The following PLXNC1 variants were observed in gnomAD, a reference collection of about 807,000 sequenced individuals.
The protein encoded by PLXNC1 is plexin C1.
PLXNC1 carries 75 observed loss-of-function variants against 178.2 expected under a neutral mutation model. The ratio of observed to expected loss-of-function variants is 0.42; its 90% CI spans 0.35 to 0.51. PLXNC1 has a LOEUF of 0.51. PLXNC1 is among the 20% of genes least tolerant of loss of function. PLXNC1 has a pLI of 0.02. For synonymous variants in PLXNC1, 790 were observed against 779.9 expected, an observed-to-expected ratio of 1.01 and a Z score of -0.22; for missense variants, 1,503 against 1,984.4, an observed-to-expected ratio of 0.76 and a Z score of 4.61.
At chr12:94,168,788 G>A (rs1961727774) in intron 1 of PLXNC1, among the ~76,000 whole-genome samples, 1 of 152,198 alleles carries the variant, frequency 6.6e-6, no homozygotes, top group Non-Finnish European at 1.5e-5. Flanking sequence ...TTGGCGGCAG[G>A]ATTTTGAAAA....
chr12:94,255,735 G>A (rs1964819800), intron 17 of PLXNC1, among the ~76,000 whole-genome samples: 1 of 152,168 alleles, frequency 6.6e-6, no homozygotes, highest in Admixed American at 6.5e-5. Flanking sequence ...AATACTACTG[G>A]TCAAAAGGGA....
chr12:94,251,482 G>A lies in PLXNC1; in HGVS notation c.2835G>A (p.Trp945Ter). 1 of 1,613,484 alleles carries A rather than the reference G, an allele frequency of 6.2e-7. No homozygotes were observed. The highest frequency in any genetic ancestry group is 8.5e-7 in the Non-Finnish European group (1 of 1,179,402). The change falls in exon 15 of 31, where the codon TGG (tryptophan) becomes TGA (stop). Residue 945 changes from tryptophan (W) to a stop codon, truncating the protein, a stop_gained. Transcript: ENST00000258526. LOFTEE classifies it high-confidence loss of function. ...YVEQESVPSTWYFLIVLPVLL... is the reference protein window; with the variant it reads ...YVEQESVPST The stretch of plus-strand genomic sequence containing the variant: ...AGCAGGAGTCAGTTCCTTCCACATG[G>A]TATTTTCTGATTGTGCTCCCTGTCT...
At chr12:94,305,071 T>A in intron 30 of PLXNC1, 110 bp from the exon 31 acceptor site, 1 of 652,000 alleles carries the variant, frequency 1.5e-6, no homozygotes, top group Non-Finnish European at 2.7e-6. Flanking sequence ...GAAGAAAATG[T>A]TGGCATCTGT....
Position 94,297,206 on chromosome 12 carries a change from G to T in PLXNC1, c.3952G>T (p.Asp1318Tyr), listed in dbSNP as rs1300791863. The change falls in exon 25 of 31, where the codon GAC (aspartate) becomes TAC (tyrosine). Residue 1318 changes from aspartate to tyrosine, a missense_variant. Around this residue, in one of 4 missense-constraint regions of PLXNC1, gnomAD observed 639 missense variants for 979.7 expected, o/e 0.65. Transcript: ENST00000258526. ...GCATTCAGATGTGGAGTACTCGGAT[G>T]ACCACTGCCATTTGGTGAGTTCAGG... is the stretch of plus-strand genomic sequence containing the variant. ...NFTSDVEYSD[D>Y]HCHLILPDSE... The T allele has an allele frequency of 6.2e-7, 1 of 1,614,030 alleles. No homozygotes were observed. The highest frequency in any genetic ancestry group is 8.5e-7 in the Non-Finnish European group (1 of 1,179,974).
chr12:94,226,471 G>T, intron 7 of PLXNC1, 134 bp from the exon 8 acceptor site: 1 of 620,314 alleles, frequency 1.6e-6, no homozygotes, highest in Non-Finnish European at 2.8e-6. Flanking sequence ...AAGCCTCACA[G>T]GAATGTCTGT....
intron 4 of PLXNC1, among the ~76,000 whole-genome samples, chr12:94,190,018 G>A (rs1370610107): frequency 6.6e-6 from 1 of 152,154 alleles, no homozygotes; most frequent in East Asian, 1.9e-4. Flanking sequence ...TTGAAGCTGG[G>A]GAGGAAGTGT....
At chr12:94,298,546 G>T in intron 26 of PLXNC1, 86 bp from the exon 27 acceptor site, 1 of 1,090,260 alleles carries the variant, frequency 9.2e-7, no homozygotes. Context: ...TATTTTCTCT[G>T]AATGTGGATT....
chr12:94,195,651 T>C (rs1210772906), intron 4 of PLXNC1, among the ~76,000 whole-genome samples: 2 of 152,192 alleles, frequency 1.3e-5, no homozygotes, highest in Non-Finnish European at 2.9e-5. Context: ...TTTTTCTACA[T>C]GTTTCTTCCA....
intron 17 of PLXNC1, 119 bp from the exon 18 acceptor site, chr12:94,259,218 G>A (rs1055109976): frequency 3.4e-5 from 24 of 699,612 alleles, no homozygotes; most frequent in South Asian, 1.2e-4. Context: ...ACCCAGGGGC[G>A]CTTCAGATTA....
intron 5 of PLXNC1, among the ~76,000 whole-genome samples, chr12:94,213,292 C>T (rs544813172): frequency 2.0e-5 from 3 of 152,336 alleles, no homozygotes; most frequent in African/African-American, 4.8e-5. Flanking sequence ...GTTCCTGTTT[C>T]TCCACATCCT....
chr12:94,167,770 T>C (rs1178565877), intron 1 of PLXNC1, among the ~76,000 whole-genome samples: 1 of 152,200 alleles, frequency 6.6e-6, no homozygotes, highest in Non-Finnish European at 1.5e-5. Context: ...TAATGAGCTT[T>C]CCCTAAATCT....
chr12:94,298,506 C>G, intron 26 of PLXNC1, 126 bp from the exon 27 acceptor site: 2 of 782,570 alleles, frequency 2.6e-6, no homozygotes, highest in Non-Finnish European at 4.0e-6. Flanking sequence ...ACATTTTTCT[C>G]TTCAGTTTGT....
chr12:94,237,827 A>G (rs1350937954), intron 10 of PLXNC1, 24 bp downstream of exon 10: 1 of 1,609,442 alleles, frequency 6.2e-7, no homozygotes, highest in East Asian at 2.2e-5. Flanking sequence ...CTAATAATTT[A>G]TCCTCGGTAA....
chr12:94,226,609 CCAG>C lies in PLXNC1; in HGVS notation c.1798_1800del (p.Ala600del), dbSNP rs1191226696. On this transcript the variant is annotated inframe_deletion, in exon 8 of 31. Coordinates refer to ENST00000258526, the MANE Select transcript of PLXNC1 (RefSeq NM_005761.3). ...GTCAGTTTTCTGTGTTGCTAGATGC[CCAG>C]CATGCGTAGAAACTGGCTGCGCGTG... 1.8e-5 allele frequency: 29 copies of C among 1,610,992 alleles called. No individual in the cohort carries two copies. The highest frequency in any genetic ancestry group is 2.4e-5 in the Non-Finnish European group (28 of 1,177,340).
intron 4 of PLXNC1, among the ~76,000 whole-genome samples, chr12:94,203,156 T>A (rs755405173): frequency 2.6e-5 from 4 of 152,102 alleles, no homozygotes; most frequent in Non-Finnish European, 2.9e-5. Context: ...CTAGCCAAAG[T>A]AGGCACAAAG....
intron 2 of PLXNC1, among the ~76,000 whole-genome samples, chr12:94,175,640 G>A (rs147168901): frequency 0.012 from 1,819 of 152,284 alleles, 11 homozygotes; most frequent in Non-Finnish European, 0.018. Flanking sequence ...CTCCATCAGA[G>A]AAAATTTGTT....
In PLXNC1 at chr12:94,262,642, T is replaced by A. The variant is rs1393231826; in HGVS notation, c.3450+1802T>A. ...TCACTTTCAGTGGAATAATTCCCGC[T>A]GGTGCAGGGGTCTGATGTCCCTCCA... On this transcript the variant is annotated intron_variant, in intron 20 of 30. Coordinates refer to ENST00000258526, the MANE Select transcript of PLXNC1 (RefSeq NM_005761.3). 3.0e-6 allele frequency: 3 copies of A among 985,314 alleles called. No homozygotes were observed. The Admixed American group carries it at 1.8e-4, about 61-fold the overall frequency. The allele number at this position is 985,314 out of a possible 1,614,324, so 61.0% of individuals were successfully genotyped here.
chr12:94,286,616 CAA>C (rs61238982), intron 23 of PLXNC1, among the ~76,000 whole-genome samples: 9,402 of 101,268 alleles, frequency 0.093, 460 homozygotes, highest in African/African-American at 0.24. Context: ...TGCTTAAAAG[CAA>C]AAAAAAAAAA....
chr12:94,282,586 C>T (rs1966528845), intron 23 of PLXNC1, among the ~76,000 whole-genome samples, 185 bp downstream of exon 23: 1 of 152,238 alleles, frequency 6.6e-6, no homozygotes. Context: ...TCACAGTGTA[C>T]TTGTCACGTA....
Sources: allele counts gnomAD v4.1 joint callset (sites outside exome capture counted in the v4.1 genomes callset), GRCh38; gene constraint gnomAD v4.1.1; regional missense constraint gnomAD v4.1.1; transcripts MANE v1.5; gene names NCBI Gene and HGNC (gene_info 2026-07-23, HGNC 2026-07-21).